The following ITK variants were observed in gnomAD, a reference collection of about 807,000 sequenced individuals.
The protein encoded by ITK is IL2 inducible T cell kinase.
Under a neutral mutation model 87.6 loss-of-function variants are expected in ITK, and 45 were observed. The ratio of observed to expected loss-of-function variants is 0.51; its 90% CI spans 0.40 to 0.66. The LOEUF is 0.66. ITK is among the 30% of genes least tolerant of loss of function. The probability of loss-of-function intolerance (pLI) is 0.00; values close to 1 mark genes in which losing one functional copy is unlikely to be tolerated. For synonymous variants in ITK, 303 were observed against 273.6 expected (o/e 1.11, Z -1.06); for missense variants, 605 against 766.3 (o/e 0.79, Z 2.48).
At chr5:157,248,777 C>G in intron 15 of ITK, 73 bp from the exon 16 acceptor site, 1 of 1,554,786 alleles carries the variant, frequency 6.4e-7, no homozygotes, top group Non-Finnish European at 8.9e-7. Context: ...TCTGTAATTT[C>G]TAGAGGCAGG....
chr5:157,246,062 T>C, intron 15 of ITK, 63 bp downstream of exon 15: 1 of 1,134,630 alleles, frequency 8.8e-7, no homozygotes, highest in East Asian at 2.3e-5. Flanking sequence ...GTTTCCTTTA[T>C]CAAATGCAGA....
At chr5:157,194,943 T>C (rs919965325) in intron 1 of ITK, 2 of 151,594 alleles carry the variant, frequency 1.3e-5, no homozygotes, top group Non-Finnish European at 3.0e-5. Context: ...TAATTCATTA[T>C]AATTTGCTTT....
At chr5:157,192,830 A>G (rs1475339047) in intron 1 of ITK, among the ~76,000 whole-genome samples, 1 of 152,192 alleles carries the variant, frequency 6.6e-6, no homozygotes, top group Non-Finnish European at 1.5e-5. Flanking sequence ...AGTAGAAATG[A>G]AAAGACAAAG....
Position 157,234,050 on chromosome 5 carries a change from G to A in ITK, c.768+1656G>A, listed in dbSNP as rs544619259. 5.3e-5 allele frequency among the ~76,000 whole-genome samples: 7 copies of A among 131,406 alleles called. No individual in the cohort carries two copies. In the South Asian group the frequency reaches 7.7e-4, roughly 15 times the overall value. The allele number at this position is 131,406 out of a possible 152,430, so 86.2% of individuals were successfully genotyped here. The stretch of plus-strand genomic sequence containing the variant: ...GGCTAGCATGTAGTGGCATGATCTC[G>A]GCTTACTGCAACCTCCGCTGCCTGG... On this transcript the variant is annotated intron_variant, in intron 8 of 16. Coordinates refer to ENST00000422843, the MANE Select transcript of ITK (RefSeq NM_005546.4).
At chr5:157,189,509 A>G (rs141369568) in intron 1 of ITK, among the ~76,000 whole-genome samples, 2,134 of 152,268 alleles carry the variant, frequency 0.014, 19 homozygotes, top group South Asian at 0.022. Context: ...GCGAAACCCT[A>G]TCTCTACTAA....
At chr5:157,202,262 G>A (rs1361932412) in intron 1 of ITK, among the ~76,000 whole-genome samples, 3 of 152,064 alleles carry the variant, frequency 2.0e-5, no homozygotes, top group African/African-American at 7.2e-5. Context: ...CACCCAGGCT[G>A]GAATGCAGTG....
intron 1 of ITK, among the ~76,000 whole-genome samples, chr5:157,182,105 A>G (rs1309618631): frequency 1.3e-5 from 2 of 152,144 alleles, no homozygotes; most frequent in Non-Finnish European, 2.9e-5. Context: ...CTATGCTGCA[A>G]TTTTTCAAAG....
chr5:157,246,002 G>T lies in ITK; in HGVS notation c.1633+3G>T. The T allele has an allele frequency of 6.3e-7, 1 of 1,598,062 alleles. No homozygotes were observed. Among genetic ancestry groups the T allele is most frequent in the Non-Finnish European group, 8.6e-7 (1 of 1,165,488 alleles). On this transcript the variant is annotated splice_donor_region_variant and intron_variant, in intron 15 of 16. Transcript: ENST00000422843. Reference sequence around the variant, plus strand: ...CAAGTCCGATGTGTGGTCATTTGGTGAGTGTCATGCTGGGCCCCACTGCCC... The same window carrying T: ...CAAGTCCGATGTGTGGTCATTTGGTTAGTGTCATGCTGGGCCCCACTGCCC...
chr5:157,238,308 C>G (rs1754818534), intron 9 of ITK, 117 bp downstream of exon 9: 2 of 795,234 alleles, frequency 2.5e-6, no homozygotes, highest in Non-Finnish European at 4.4e-6. Flanking sequence ...TAGAAATGGT[C>G]TGTTTTCCCT....
At position 157,254,826 on chromosome 5, in the gene ITK, G is replaced by A. The variant is rs535867740; in HGVS notation, c.*2148G>A. ...CATGGTATTACCTTTTTCAAGCTCAGATTCATCTAATCCTCAACTGTACAT... is the reference window on the plus strand; with the variant it reads ...CATGGTATTACCTTTTTCAAGCTCAAATTCATCTAATCCTCAACTGTACAT... On this transcript the variant is annotated 3_prime_UTR_variant, in exon 17 of 17. Transcript: ENST00000422843. The A allele has an allele frequency of 9.2e-6, 2 of 217,762 alleles. No homozygotes were observed. The highest frequency in any genetic ancestry group is 4.5e-5 in the African/African-American group (2 of 44,544). 13.5% of individuals were successfully genotyped at this position (217,762 alleles called of 1,614,324 possible). A position where few individuals can be genotyped will look rare whatever the true frequency, so the allele number is the denominator to read the frequency against.
intron 1 of ITK, among the ~76,000 whole-genome samples, chr5:157,204,815 A>G (rs1754047667): frequency 6.6e-6 from 1 of 152,268 alleles, no homozygotes; most frequent in Non-Finnish European, 1.5e-5. Context: ...TGTACTTTCA[A>G]TAATGGATAA....
In ITK at chr5:157,194,521, T is replaced by C. The variant is rs112459799; in HGVS notation, c.138+13406T>C. Among the ~76,000 whole-genome samples the C allele has an allele frequency of 8.6e-3, 1,306 of 152,330 alleles. 14 individuals are homozygous for C. Among genetic ancestry groups the C allele is most frequent in the African/African-American group, 0.03 (1,240 of 41,572 alleles). ...GAGTACCAGGAGGAAAGTATTAGCC[T>C]AGCGAAGTGACCCAGAAAGGGAGTT... On this transcript the variant is annotated intron_variant, in intron 1 of 16. Coordinates refer to ENST00000422843, the MANE Select transcript of ITK (RefSeq NM_005546.4).
At chr5:157,210,494 G>A (rs1484981149) in intron 2 of ITK, among the ~76,000 whole-genome samples, 1 of 150,558 alleles carries the variant, frequency 6.6e-6, no homozygotes. Flanking sequence ...GAAGACTGCA[G>A]TTTAGTTAAC....
At chr5:157,236,629 A>G (rs996757895) in intron 8 of ITK, among the ~76,000 whole-genome samples, 2 of 152,256 alleles carry the variant, frequency 1.3e-5, no homozygotes, top group Non-Finnish European at 2.9e-5. Context: ...TAAGTGAATC[A>G]TAATATTTGG....
chr5:157,227,748 T>C (rs1485091596), intron 6 of ITK, among the ~76,000 whole-genome samples: 1 of 152,028 alleles, frequency 6.6e-6, no homozygotes, highest in Admixed American at 6.6e-5. Context: ...CTTCTTTTTT[T>C]ATTATGTTTC....
chr5:157,219,421 C>T (rs1383894670), intron 5 of ITK, among the ~76,000 whole-genome samples: 1 of 152,170 alleles, frequency 6.6e-6, no homozygotes, highest in Non-Finnish European at 1.5e-5. Context: ...CCAATACCCA[C>T]ATTTGAGTAC....
intron 1 of ITK, among the ~76,000 whole-genome samples, chr5:157,187,982 A>G (rs553614336): frequency 2.0e-5 from 3 of 151,982 alleles, no homozygotes; most frequent in Non-Finnish European, 4.4e-5. Flanking sequence ...AAAAAAATTT[A>G]TAGAGACAGG....
At chr5:157,239,351 C>T (rs370298261) in intron 9 of ITK, among the ~76,000 whole-genome samples, 4 of 152,136 alleles carry the variant, frequency 2.6e-5, no homozygotes, top group East Asian at 3.8e-4. Context: ...TGCTTAATTC[C>T]GCCAGCAACA....
intron 6 of ITK, among the ~76,000 whole-genome samples, chr5:157,227,469 A>C (rs891320250): frequency 1.3e-5 from 2 of 152,168 alleles, no homozygotes; most frequent in Admixed American, 6.5e-5. Context: ...TATCTGAAGA[A>C]GCTCAATTAG....
Sources: allele counts gnomAD v4.1 joint callset (sites outside exome capture counted in the v4.1 genomes callset), GRCh38; gene constraint gnomAD v4.1.1; transcripts MANE v1.5; gene names NCBI Gene and HGNC (gene_info 2026-07-23, HGNC 2026-07-21).